GALNT9: variants seen among roughly 807,000 people sequenced by gnomAD.
GALNT9 encodes the protein polypeptide N-acetylgalactosaminyltransferase 9, also known as GalNAc transferase 9.
A neutral mutation model predicts 63.1 loss-of-function variants in GALNT9; 47 were observed. That is an observed-to-expected ratio of 0.75 (90% CI 0.59 to 0.95). The LOEUF (loss-of-function observed/expected upper bound fraction) is 0.95. GALNT9 is among the 40% of genes least tolerant of loss of function. The pLI is 0.00. For missense variants in GALNT9, 829 were observed against 874.8 expected (o/e 0.95, Z 0.66); for synonymous variants, 396 against 365.7 (o/e 1.08, Z -0.94).
rs575867697 is a variant in GALNT9, at chr12:132,265,884, C to T, written c.420-3259G>A. Among the ~76,000 whole-genome samples the T allele has an allele frequency of 2.0e-5, 3 of 152,374 alleles. No individual in the cohort carries two copies. In the South Asian group the frequency reaches 6.2e-4, roughly 32 times the overall value. ...GGTGAGGATTCTATATGTAATGATA[C>T]ATGCAGTGTGTGTTGGAGCATGTAG... On this transcript the variant is annotated intron_variant, in intron 2 of 10. Transcript: ENST00000328957. This position sits in a 1 kb window ranked among gnomAD's most constrained non-coding sequence, Gnocchi z 5.3.
chr12:132,228,310 C>T (rs969416062), intron 6 of GALNT9, among the ~76,000 whole-genome samples: 12 of 152,018 alleles, frequency 7.9e-5, no homozygotes, highest in Non-Finnish European at 1.8e-4. Flanking sequence ...CCGGCACTCC[C>T]TTTCCCTGAG....
intron 1 of GALNT9, among the ~76,000 whole-genome samples, chr12:132,289,310 C>T (rs1555242488): frequency 6.6e-6 from 1 of 152,158 alleles, no homozygotes; most frequent in Non-Finnish European, 1.5e-5. Flanking sequence ...GATCTTTTGT[C>T]GTGCCATGTT....
intron 1 of GALNT9, among the ~76,000 whole-genome samples, chr12:132,288,777 G>A (rs1418057283): frequency 1.3e-5 from 2 of 151,592 alleles, no homozygotes; most frequent in African/African-American, 2.4e-5. Context: ...GGTTCTGGAC[G>A]GCTGCCCGAT....
intron 6 of GALNT9, among the ~76,000 whole-genome samples, chr12:132,204,299 CG>C (rs1565984551): frequency 6.6e-6 from 1 of 152,204 alleles, no homozygotes; most frequent in Admixed American, 6.5e-5. Context: ...CCTTCCTATA[CG>C]TGCTCTTTCA....
chr12:132,247,705 C>A, intron 6 of GALNT9: 1 of 797,102 alleles, frequency 1.3e-6, no homozygotes, highest in Non-Finnish European at 1.9e-6. Context: ...CTCACCCCGT[C>A]CCCAGACACC....
At chr12:132,304,434 C>A (rs1881475707) in intron 1 of GALNT9, among the ~76,000 whole-genome samples, 1 of 54,526 alleles carries the variant, frequency 1.8e-5, no homozygotes, top group Non-Finnish European at 3.7e-5. Flanking sequence ...GGCACAGCCT[C>A]GCCCGGGCAC....
At position 132,252,003 on chromosome 12, in the gene GALNT9, C is replaced by T. The variant is rs1475418307; in HGVS notation, c.960-3976G>A. Among the ~76,000 whole-genome samples, 2 of 152,206 alleles carry T rather than the reference C, an allele frequency of 1.3e-5. No homozygotes were observed. Among genetic ancestry groups the T allele is most frequent in the African/African-American group, 4.8e-5 (2 of 41,452 alleles). On this transcript the variant is annotated intron_variant, in intron 5 of 10. Transcript: ENST00000328957. This position sits in a 1 kb window ranked among gnomAD's most constrained non-coding sequence, Gnocchi z 5.2. ...TCCTGCCGTTCTCCCACCTTGCTCA[C>T]GTGATGGGGGTGCCGGATCTTAACT...
At chr12:132,210,145 T>C (rs1049947388) in intron 6 of GALNT9, among the ~76,000 whole-genome samples, 1 of 152,078 alleles carries the variant, frequency 6.6e-6, no homozygotes, top group African/African-American at 2.4e-5. Context: ...CCTCCAGAGA[T>C]GGGTGGGTCC....
At chr12:132,249,152 G>A (rs1422236170) in intron 5 of GALNT9, among the ~76,000 whole-genome samples, 1 of 152,246 alleles carries the variant, frequency 6.6e-6, no homozygotes, top group Non-Finnish European at 1.5e-5. Context: ...TCTCATCTTT[G>A]CTGAAAGATT....
At chr12:132,305,270 G>C (rs374065332) in intron 1 of GALNT9, among the ~76,000 whole-genome samples, 18 of 14,450 alleles carry the variant, frequency 1.2e-3, no homozygotes, top group Admixed American at 1.6e-3. Flanking sequence ...CACCCTCACC[G>C]GGGCACACCC....
chr12:132,297,179 A>G (rs552522203), intron 1 of GALNT9, among the ~76,000 whole-genome samples: 3 of 150,796 alleles, frequency 2.0e-5, no homozygotes, highest in African/African-American at 7.3e-5. Flanking sequence ...ATGATAACCA[A>G]CTCACTCCCA....
rs375048132 is a variant in GALNT9, at chr12:132,203,629, C to A, written c.1139G>T (p.Arg380Leu). 1 of 1,613,758 alleles carries A rather than the reference C, an allele frequency of 6.2e-7. No homozygotes were observed. The highest frequency in any genetic ancestry group is 1.1e-5 in the South Asian group (1 of 91,090). ...GTCGTTGTTGTAGGGCTTCCTGGTG[C>A]GCTCGATGTGGGCCACGCGGGAGCA... ...LPCSRVAHIE[R>L]TRKPYNNDID... The change falls in exon 7 of 11, where the codon CGC becomes CTC. Residue 380 changes from arginine (R) to leucine (L), a missense_variant. Physicochemically the swap from Arg to Leu is moderately radical, Grantham distance 102 (BLOSUM62 -2). Coordinates refer to ENST00000328957, the MANE Select transcript of GALNT9 (RefSeq NM_001122636.2).
At chr12:132,229,486 T>C (rs36135981) in intron 6 of GALNT9, among the ~76,000 whole-genome samples, 6,321 of 152,312 alleles carry the variant, frequency 0.042, 184 homozygotes, top group East Asian at 0.09. Context: ...GACTTATCTG[T>C]TCATTCACTA....
chr12:132,241,171 C>G (rs2136900904), intron 6 of GALNT9, among the ~76,000 whole-genome samples: 169 of 125,748 alleles, frequency 1.3e-3, no homozygotes, highest in African/African-American at 5.2e-3. Context: ...CGCCACACCC[C>G]CTTCCCAGGG....
chr12:132,267,604 CAA>C (rs1879650364), intron 2 of GALNT9, among the ~76,000 whole-genome samples: 1 of 152,228 alleles, frequency 6.6e-6, no homozygotes, highest in African/African-American at 2.4e-5. Context: ...CACACCACCT[CAA>C]GTTAAGACTG....
At chr12:132,261,227 T>C in intron 3 of GALNT9, 105 bp from the exon 4 acceptor site, 2 of 1,502,130 alleles carry the variant, frequency 1.3e-6, no homozygotes, top group Non-Finnish European at 1.8e-6. Flanking sequence ...ATGGGTGTAT[T>C]GTAAACATTC....
intron 6 of GALNT9, among the ~76,000 whole-genome samples, chr12:132,225,063 ACC>A: frequency 1.6e-5 from 1 of 61,950 alleles, no homozygotes; most frequent in African/African-American, 6.5e-5. Flanking sequence ...CATACACACC[ACC>A]CCCCCACACA....
chr12:132,325,436 G>A (rs952612596), intron 1 of GALNT9, among the ~76,000 whole-genome samples: 16 of 152,212 alleles, frequency 1.1e-4, no homozygotes, highest in African/African-American at 3.9e-4. Flanking sequence ...CATGAGGCAC[G>A]TGGGAATTCC....
At chr12:132,230,262 T>C (rs1877842170) in intron 6 of GALNT9, among the ~76,000 whole-genome samples, 1 of 152,178 alleles carries the variant, frequency 6.6e-6, no homozygotes, top group South Asian at 2.1e-4. Flanking sequence ...CTGTGAGCCT[T>C]GTGATGGGGG....
Sources: allele counts gnomAD v4.1 joint callset (sites outside exome capture counted in the v4.1 genomes callset), GRCh38; gene constraint gnomAD v4.1.1; non-coding constraint Gnocchi (gnomAD v3.1); transcripts MANE v1.5; gene names NCBI Gene and HGNC (gene_info 2026-07-23, HGNC 2026-07-21).